Variants in ABCC5 observed in about 807,000 individuals in gnomAD.
The protein encoded by ABCC5 is ATP-binding cassette sub-family C member 5.
Under a neutral mutation model 160.9 loss-of-function variants are expected in ABCC5, and 61 were observed. That is an observed-to-expected ratio of 0.38 (90% confidence interval 0.31 to 0.47). The LOEUF (loss-of-function observed/expected upper bound fraction) is 0.47, where lower values mean the gene tolerates loss of function less well. Ranked by LOEUF, ABCC5 falls within the 20% of genes least tolerant of loss-of-function variation. ABCC5 has a pLI of 0.99. For synonymous variants in ABCC5, 666 were observed against 700.6 expected, an observed-to-expected ratio of 0.95 and a Z score of 0.78; for missense variants, 1,308 against 1,813.3, an observed-to-expected ratio of 0.72 and a Z score of 5.06.
chr3:183,942,026 C>A (rs1221006329), intron 25 of ABCC5, among the ~76,000 whole-genome samples: 1 of 150,818 alleles, frequency 6.6e-6, no homozygotes, highest in Non-Finnish European at 1.5e-5. Flanking sequence ...TCTAAAGGAT[C>A]TACAGTTACG....
chr3:183,926,136 C>G (rs1472903798), intron 28 of ABCC5, among the ~76,000 whole-genome samples: 3 of 117,974 alleles, frequency 2.5e-5, no homozygotes, highest in African/African-American at 1.1e-4. Context: ...CCGTGCCCAG[C>G]CTATTGTTTT....
chr3:183,945,387 C>A (rs1202849530), intron 24 of ABCC5, among the ~76,000 whole-genome samples: 1 of 152,132 alleles, frequency 6.6e-6, no homozygotes, highest in Non-Finnish European at 1.5e-5. Flanking sequence ...TTAGAATTCG[C>A]TATGGAGCTT....
chr3:183,996,755 A>T (rs184246641), intron 2 of ABCC5, among the ~76,000 whole-genome samples: 1 of 152,336 alleles, frequency 6.6e-6, no homozygotes, highest in African/African-American at 2.4e-5. Context: ...GTAACAAAGC[A>T]TGGAGTAGAA....
chr3:184,003,518 A>G (rs1439092327), intron 2 of ABCC5, among the ~76,000 whole-genome samples: 1 of 152,230 alleles, frequency 6.6e-6, no homozygotes, highest in African/African-American at 2.4e-5. Flanking sequence ...AATACAAAAG[A>G]AAGAGCTATT....
rs371999071 is a variant in ABCC5 at position 183,977,509 on chromosome 3, C to A, written c.1404+8G>T. ...CCTGACACGGGGGCAGGGGAAGGAG[C>A]CACTTACCTTAAATCTGTCAACAGC... On this transcript the variant is annotated splice_region_variant and intron_variant, in intron 10 of 29. Coordinates refer to ENST00000334444, the MANE Select transcript of ABCC5 (RefSeq NM_005688.4). 1 of 1,601,622 alleles carries A rather than the reference C, an allele frequency of 6.2e-7. No homozygotes were observed. Among genetic ancestry groups the A allele is most frequent in the African/African-American group, 1.3e-5 (1 of 74,622 alleles).
chr3:184,015,832 A>C (rs1263960751), intron 1 of ABCC5, among the ~76,000 whole-genome samples: 1 of 152,216 alleles, frequency 6.6e-6, no homozygotes, highest in Non-Finnish European at 1.5e-5. Context: ...CAGTGTCCCC[A>C]GTGTTGAGCT....
chr3:183,955,896 A>C lies in ABCC5; in HGVS notation c.2483-2626T>G, dbSNP rs146247121. Reference sequence around the variant, plus strand: ...TATTACATCTGTTATATGCAGATCCATGTGTATATCACATCAGTTATATGC... The same window carrying C: ...TATTACATCTGTTATATGCAGATCCCTGTGTATATCACATCAGTTATATGC... On this transcript the variant is annotated intron_variant, in intron 17 of 29. Transcript: ENST00000334444. Among the ~76,000 whole-genome samples the C allele has an allele frequency of 2.3e-5, 3 of 132,674 alleles. 1 individual carries two copies. Among genetic ancestry groups the C allele is most frequent in the Non-Finnish European group, 4.8e-5 (3 of 62,094 alleles). The allele number at this position is 132,674 out of a possible 152,430, so 87.0% of individuals were successfully genotyped here.
In ABCC5 at chr3:183,965,572, C is replaced by T; in HGVS notation, c.1834-71G>A. ...CACCCTATGCCAACGGAACCCCCAC[C>T]TTCCACAATGGAATCTAGCTCTGGT... On this transcript the variant is annotated intron_variant, in intron 12 of 29. Coordinates refer to ENST00000334444, the MANE Select transcript of ABCC5 (RefSeq NM_005688.4). The T allele has an allele frequency of 1.9e-6, 3 of 1,586,858 alleles. No homozygotes were observed. In the Admixed American group the frequency reaches 5.1e-5, roughly 27 times the overall value.
chr3:183,991,726 T>C (rs987305418), intron 2 of ABCC5, among the ~76,000 whole-genome samples: 3 of 152,200 alleles, frequency 2.0e-5, no homozygotes, highest in African/African-American at 7.2e-5. Context: ...ATGAAGTCCT[T>C]ATGTATAAGG....
chr3:183,925,747 C>A, intron 28 of ABCC5, 28 bp from the exon 29 acceptor site: 1 of 1,603,502 alleles, frequency 6.2e-7, no homozygotes, highest in Non-Finnish European at 8.5e-7. Flanking sequence ...GAGAAAGAAA[C>A]TCGATTAAAT....
chr3:183,938,302 T>C (rs559177723), intron 25 of ABCC5, among the ~76,000 whole-genome samples: 9 of 152,306 alleles, frequency 5.9e-5, no homozygotes, highest in Admixed American at 3.3e-4. Flanking sequence ...CCATTCCATT[T>C]TCATTTTTTT....
chr3:183,957,774 ACG>A (rs1716289513), intron 17 of ABCC5, among the ~76,000 whole-genome samples: 1 of 148,534 alleles, frequency 6.7e-6, no homozygotes, highest in African/African-American at 2.5e-5. Flanking sequence ...CATCGGTTAC[ACG>A]TAAATCCGTG....
At chr3:183,980,769 A>T (rs1207112151) in intron 8 of ABCC5, among the ~76,000 whole-genome samples, 2 of 150,718 alleles carry the variant, frequency 1.3e-5, no homozygotes, top group African/African-American at 4.9e-5. Flanking sequence ...CTGGAGTGTA[A>T]TGGTGTGATC....
At chr3:183,936,162 A>G (rs1365656649) in intron 26 of ABCC5, among the ~76,000 whole-genome samples, 1 of 152,142 alleles carries the variant, frequency 6.6e-6, no homozygotes, top group Non-Finnish European at 1.5e-5. Flanking sequence ...GGCACACACC[A>G]CAGGCATGCA....
intron 17 of ABCC5, among the ~76,000 whole-genome samples, chr3:183,955,419 G>A (rs779676316): frequency 5.3e-5 from 8 of 152,146 alleles, no homozygotes; most frequent in Admixed American, 1.3e-4. Flanking sequence ...GTATAATAAG[G>A]CACGTCCAAC....
intron 2 of ABCC5, among the ~76,000 whole-genome samples, chr3:184,004,163 G>A (rs1720975939): frequency 6.6e-6 from 1 of 150,804 alleles, no homozygotes; most frequent in African/African-American, 2.4e-5. Context: ...TGTGAATATT[G>A]GTCTTTTGCA....
In ABCC5 at chr3:184,017,877, C is replaced by G. The variant is rs1211275859; in HGVS notation, c.-103G>C. ...CCGCGCCAGCCGCTCAACCACGCTC[C>G]CGAGCATGAGCCCTGCAGCAAAACA... is the stretch of plus-strand genomic sequence containing the variant. On this transcript the variant is annotated 5_prime_UTR_variant, in exon 1 of 30. Coordinates refer to ENST00000334444, the MANE Select transcript of ABCC5 (RefSeq NM_005688.4). This position sits in a 1 kb window ranked among gnomAD's most constrained non-coding sequence, Gnocchi z 4.5. The G allele has an allele frequency of 6.6e-6, 1 of 152,598 alleles. No homozygotes were observed. Among genetic ancestry groups the G allele is most frequent in the Non-Finnish European group, 1.5e-5 (1 of 68,332 alleles). 9.5% of individuals were successfully genotyped at this position (152,598 alleles called of 1,614,324 possible). A position where few individuals can be genotyped will look rare whatever the true frequency, so the allele number is the denominator to read the frequency against.
intron 2 of ABCC5, among the ~76,000 whole-genome samples, chr3:183,991,290 C>A (rs1248525680): frequency 6.7e-6 from 1 of 148,562 alleles, no homozygotes; most frequent in Non-Finnish European, 1.5e-5. Context: ...GAGCAAGACT[C>A]TGTCTCTAAA....
At chr3:183,998,122 T>C (rs1474052795) in intron 2 of ABCC5, among the ~76,000 whole-genome samples, 2 of 152,124 alleles carry the variant, frequency 1.3e-5, no homozygotes, top group Admixed American at 6.6e-5. Flanking sequence ...TATACAATTA[T>C]AGTTTTATTT....
Sources: gnomAD v4.1 joint callset for allele counts (sites outside exome capture counted in the v4.1 genomes callset) on GRCh38, gnomAD v4.1.1 for gene constraint, Gnocchi (gnomAD v3.1) non-coding constraint, MANE v1.5 for transcripts, NCBI Gene and HGNC (gene_info 2026-07-23, HGNC 2026-07-21) for gene names.